Variants in GABRG3 observed in about 807,000 individuals in gnomAD.
The protein encoded by GABRG3 is gamma-aminobutyric acid receptor subunit gamma-3.
A neutral mutation model predicts 48.8 loss-of-function variants in GABRG3; 25 were observed. That is an observed-to-expected ratio of 0.51 (90% CI 0.37 to 0.72). The LOEUF is 0.72. Among genes scored for constraint, GABRG3 ranks in the 30% least tolerant of loss-of-function variants. GABRG3 has a pLI of 0.00. For missense variants in GABRG3, 394 were observed against 577.9 expected, an observed-to-expected ratio of 0.68 and a Z score of 3.26; for synonymous variants, 227 against 217.6, an observed-to-expected ratio of 1.04 and a Z score of -0.38.
chr15:27,100,537 A>G (rs1472885049), intron 3 of GABRG3, among the ~76,000 whole-genome samples: 1 of 152,184 alleles, frequency 6.6e-6, no homozygotes, highest in Non-Finnish European at 1.5e-5. Context: ...AAGAAAAACA[A>G]CAGAGCAGTT....
At chr15:27,306,404 A>G (rs1165799142) in intron 3 of GABRG3, among the ~76,000 whole-genome samples, 1 of 140,456 alleles carries the variant, frequency 7.1e-6, no homozygotes, top group Non-Finnish European at 1.5e-5. Context: ...ACATATATAT[A>G]ATATAAACAT....
intron 3 of GABRG3, among the ~76,000 whole-genome samples, chr15:27,048,156 AC>A (rs1341955483): frequency 6.6e-6 from 1 of 152,044 alleles, no homozygotes; most frequent in African/African-American, 2.4e-5. Flanking sequence ...GGGGCCCCAT[AC>A]CTGCCAGAGG....
Position 27,098,429 on chromosome 15 carries a change from G to A in GABRG3, c.270+71608G>A, listed in dbSNP as rs527887433. On this transcript the variant is annotated intron_variant, in intron 3 of 9. Coordinates refer to ENST00000615808, the MANE Select transcript of GABRG3 (RefSeq NM_033223.5). ...AGCCTGTGTGACAGACAGACACTCC[G>A]TCTCAAAAACCAACAACAACAAAAA... Among the ~76,000 whole-genome samples the A allele has an allele frequency of 6.6e-5, 10 of 152,210 alleles. No homozygotes were observed. The South Asian group carries it at 1.0e-3, about 16-fold the overall frequency.
rs138848585 is a variant in GABRG3, at chr15:27,326,528, C to G, written c.271-281C>G. 2.1e-3 allele frequency among the ~76,000 whole-genome samples: 326 copies of G among 152,318 alleles called. 2 individuals are homozygous for G. In the South Asian group the frequency reaches 0.023, roughly 11 times the overall value. ...GGAGCCTAGGGTTTGCCTCCACACC[C>G]TGAAATAGATTCTACTGTCTCTCTT... On this transcript the variant is annotated intron_variant, in intron 3 of 9. Transcript: ENST00000615808.
At chr15:27,055,502 G>A (rs1896530362) in intron 3 of GABRG3, among the ~76,000 whole-genome samples, 1 of 152,166 alleles carries the variant, frequency 6.6e-6, no homozygotes, top group Non-Finnish European at 1.5e-5. Flanking sequence ...CTGACCTAAT[G>A]CGACAAATAG....
chr15:27,143,619 T>A (rs1463576962), intron 3 of GABRG3, among the ~76,000 whole-genome samples: 1 of 152,238 alleles, frequency 6.6e-6, no homozygotes, highest in Non-Finnish European at 1.5e-5. Flanking sequence ...TTTGAGATGA[T>A]GCCGTGGAAA....
rs759280621 is a variant in GABRG3 at position 27,536,835 on chromosome 15, A to G, written c.*3954A>G. 6.6e-5 allele frequency: 10 copies of G among 152,208 alleles called. No individual in the cohort carries two copies. The highest frequency in any genetic ancestry group is 1.2e-4 in the Non-Finnish European group (8 of 68,038). The allele number at this position is 152,208 out of a possible 1,614,324, so 9.4% of individuals were successfully genotyped here. A position where few individuals can be genotyped will look rare whatever the true frequency, so the allele number is the denominator to read the frequency against. ...GCATTGACTCCAGCTCCCTATGACT[A>G]GGAAGCAATGAGCCACTCTATCTAA... is the stretch of plus-strand genomic sequence containing the variant. On this transcript the variant is annotated 3_prime_UTR_variant, in exon 10 of 10. Transcript: ENST00000615808.
intron 3 of GABRG3, among the ~76,000 whole-genome samples, chr15:27,185,123 T>A (rs1164778440): frequency 2.6e-5 from 4 of 152,156 alleles, no homozygotes; most frequent in Non-Finnish European, 5.9e-5. Flanking sequence ...ACATAATAAT[T>A]TAAATTATTG....
chr15:27,354,574 GGAGCACTTAGCTGCACT>G (rs1894774733), intron 5 of GABRG3, among the ~76,000 whole-genome samples: 1 of 152,176 alleles, frequency 6.6e-6, no homozygotes, highest in South Asian at 2.1e-4. Flanking sequence ...AGGAAGGGCA[GGAGCACTTAGCTGCACT>G]GAGAAGCACC....
At chr15:27,270,282 T>C (rs1343393043) in intron 3 of GABRG3, among the ~76,000 whole-genome samples, 8 of 152,166 alleles carry the variant, frequency 5.3e-5, no homozygotes, top group Admixed American at 3.3e-4. Flanking sequence ...GGTGTGTAGA[T>C]GTCTGATAAT....
chr15:27,157,159 A>G (rs1054736517), intron 3 of GABRG3, among the ~76,000 whole-genome samples: 4 of 152,224 alleles, frequency 2.6e-5, no homozygotes, highest in African/African-American at 9.6e-5. Context: ...CTCGAATTCA[A>G]TTGCTGCATG....
chr15:27,192,419 C>T (rs894805120), intron 3 of GABRG3, among the ~76,000 whole-genome samples: 2 of 152,124 alleles, frequency 1.3e-5, no homozygotes, highest in Non-Finnish European at 1.5e-5. Context: ...AGGCTTTGTT[C>T]GTTTCTTTTT....
intron 5 of GABRG3, among the ~76,000 whole-genome samples, chr15:27,412,472 A>G (rs949388574): frequency 6.6e-6 from 1 of 152,256 alleles, no homozygotes; most frequent in African/African-American, 2.4e-5. Context: ...TTCAGTCAGC[A>G]GAATTATCTG....
chr15:27,309,031 A>C (rs1277516728), intron 3 of GABRG3, among the ~76,000 whole-genome samples: 2 of 149,582 alleles, frequency 1.3e-5, no homozygotes, highest in African/African-American at 2.5e-5. Flanking sequence ...ATAGAAACAT[A>C]ATGTAAACAT....
intron 3 of GABRG3, among the ~76,000 whole-genome samples, chr15:27,221,055 T>G (rs776278556): frequency 1.4e-4 from 22 of 152,100 alleles, no homozygotes; most frequent in Admixed American, 2.6e-4. Context: ...TAAACAAGAT[T>G]CAGGGAGGAA....
intron 3 of GABRG3, among the ~76,000 whole-genome samples, chr15:27,203,614 C>T (rs1028045662): frequency 6.6e-6 from 1 of 152,152 alleles, no homozygotes; most frequent in African/African-American, 2.4e-5. Context: ...TGAGAAATCT[C>T]CAGAAAGCTC....
Position 27,248,203 on chromosome 15 carries a change from A to C in GABRG3, c.271-78606A>C, listed in dbSNP as rs576181833. ...GCCTGTCTTGCCTGCAGTTTCTTTC[A>C]CACGTGGAAGTGCTGCTCTAGATTC... On this transcript the variant is annotated intron_variant, in intron 3 of 9. Transcript: ENST00000615808. Among the ~76,000 whole-genome samples, 6 of 152,134 alleles carry C rather than the reference A, an allele frequency of 3.9e-5. No individual in the cohort carries two copies. The East Asian group carries it at 1.2e-3, about 29-fold the overall frequency.
At chr15:27,063,617 C>G (rs1896688838) in intron 3 of GABRG3, among the ~76,000 whole-genome samples, 1 of 152,246 alleles carries the variant, frequency 6.6e-6, no homozygotes, top group Non-Finnish European at 1.5e-5. Context: ...CCTGTACAGC[C>G]TGCAGAACTG....
intron 5 of GABRG3, among the ~76,000 whole-genome samples, chr15:27,448,329 A>T (rs1889004673): frequency 6.6e-6 from 1 of 152,180 alleles, no homozygotes; most frequent in African/African-American, 2.4e-5. Context: ...AATTCACGTG[A>T]CTGGGGCTGG....
Sources: gnomAD v4.1 joint callset for allele counts (sites outside exome capture counted in the v4.1 genomes callset) on GRCh38, gnomAD v4.1.1 for gene constraint, MANE v1.5 for transcripts, NCBI Gene and HGNC (gene_info 2026-07-23, HGNC 2026-07-21) for gene names.